NINL: variants seen among roughly 807,000 people sequenced by gnomAD.
NINL encodes the protein ninein-like protein.
NINL carries 153 observed loss-of-function variants against 160.3 expected under a neutral mutation model. The ratio of observed to expected loss-of-function variants is 0.95; its 90% CI spans 0.84 to 1.09. The LOEUF (loss-of-function observed/expected upper bound fraction) is 1.09. Ranked by LOEUF, NINL falls within the 50% of genes least tolerant of loss-of-function variation. The pLI is 0.00. For synonymous variants in NINL, 800 were observed against 734.8 expected, an observed-to-expected ratio of 1.09 and a Z score of -1.43; for missense variants, 1,829 against 1,764.0, an observed-to-expected ratio of 1.04 and a Z score of -0.66.
At chr20:25,551,853 T>C (rs2064810467) in intron 1 of NINL, among the ~76,000 whole-genome samples, 1 of 152,272 alleles carries the variant, frequency 6.6e-6, no homozygotes. Flanking sequence ...AGGATTCAGT[T>C]TGAGGAGTTA....
At chr20:25,510,541 C>A (rs867138755) in intron 5 of NINL, 133 bp downstream of exon 5, 3 of 810,636 alleles carry the variant, frequency 3.7e-6, no homozygotes, top group Admixed American at 1.7e-5. Flanking sequence ...AAGAATCCAG[C>A]GGGACACAAC....
intron 5 of NINL, 101 bp from the exon 6 acceptor site, chr20:25,505,179 A>C: frequency 9.1e-7 from 1 of 1,099,774 alleles, no homozygotes; most frequent in Non-Finnish European, 1.3e-6. Flanking sequence ...AACAGCGTGA[A>C]TGAATGTGGA....
chr20:25,511,765 G>T (rs374990385), intron 4 of NINL, among the ~76,000 whole-genome samples: 1 of 152,148 alleles, frequency 6.6e-6, no homozygotes, highest in African/African-American at 2.4e-5. Context: ...TACTGGCATC[G>T]CCTAGATGTC....
At chr20:25,578,961 T>C (rs2065145654) in intron 1 of NINL, among the ~76,000 whole-genome samples, 1 of 152,062 alleles carries the variant, frequency 6.6e-6, no homozygotes, top group Admixed American at 6.6e-5. Flanking sequence ...GGCAACACAG[T>C]GAAACCCTGT....
chr20:25,582,247 C>T (rs2147213920), intron 1 of NINL, among the ~76,000 whole-genome samples: 1 of 152,250 alleles, frequency 6.6e-6, no homozygotes, highest in South Asian at 2.1e-4. Context: ...GAGCGAGACT[C>T]CATATCAAAA....
chr20:25,498,402 A>C, intron 8 of NINL, 56 bp from the exon 9 acceptor site: 2 of 1,596,532 alleles, frequency 1.3e-6, no homozygotes, highest in Non-Finnish European at 1.7e-6. Context: ...CCAAGCAGAC[A>C]CCTCTTTGCT....
chr20:25,511,944 C>G (rs2029954210), intron 4 of NINL, among the ~76,000 whole-genome samples: 1 of 152,232 alleles, frequency 6.6e-6, no homozygotes, highest in African/African-American at 2.4e-5. Flanking sequence ...GCTGAGAGCA[C>G]AGAGAGCAGG....
chr20:25,505,498 G>A (rs1486193688), intron 5 of NINL, among the ~76,000 whole-genome samples: 4 of 152,214 alleles, frequency 2.6e-5, no homozygotes, highest in Non-Finnish European at 4.4e-5. Flanking sequence ...TGAGATGGAC[G>A]TGTTAACTGG....
At chr20:25,583,513 T>C (rs971950474) in intron 1 of NINL, among the ~76,000 whole-genome samples, 1 of 152,208 alleles carries the variant, frequency 6.6e-6, no homozygotes. Context: ...GGAACGCTTT[T>C]ACACTGTTGG....
chr20:25,484,929 T>C (rs949164505), intron 13 of NINL, among the ~76,000 whole-genome samples: 1 of 152,040 alleles, frequency 6.6e-6, no homozygotes, highest in African/African-American at 2.4e-5. Context: ...GACACCTCGG[T>C]TGGGAGATCA....
chr20:25,583,718 C>G (rs1449780481), intron 1 of NINL, among the ~76,000 whole-genome samples: 1 of 152,150 alleles, frequency 6.6e-6, no homozygotes, highest in Non-Finnish European at 1.5e-5. Context: ...AGACTTGGAA[C>G]CAACCCAAAT....
intron 23 of NINL, among the ~76,000 whole-genome samples, chr20:25,453,860 C>T (rs765380329): frequency 1.4e-4 from 21 of 152,088 alleles, no homozygotes; most frequent in African/African-American, 4.3e-4. Context: ...ACCATCCTGG[C>T]GAACACGGTG....
chr20:25,542,697 TAAAAAAAAAAAAAAAAAAAAAAAAAAAAA>T (rs71185304), intron 1 of NINL, among the ~76,000 whole-genome samples: 97 of 51,394 alleles, frequency 1.9e-3, no homozygotes, highest in African/African-American at 6.8e-3. Context: ...TTGCTTTCAC[TAAAAAAAAAAAAAAAAAAAAAAAAAAAAA>T]AAAAAAAAAA....
chr20:25,528,848 G>C (rs1438415095), intron 1 of NINL, among the ~76,000 whole-genome samples: 5 of 152,148 alleles, frequency 3.3e-5, no homozygotes, highest in African/African-American at 1.2e-4. Flanking sequence ...AGTCAATCAA[G>C]CTCATTCATA....
intron 2 of NINL, among the ~76,000 whole-genome samples, chr20:25,521,176 C>T (rs2064256936): frequency 6.6e-6 from 1 of 152,206 alleles, no homozygotes; most frequent in Admixed American, 6.5e-5. Flanking sequence ...TTCTGGATGA[C>T]TCCAGTTAAT....
chr20:25,535,057 C>T lies in NINL; in HGVS notation c.-11-8459G>A, dbSNP rs569267546. On this transcript the variant is annotated intron_variant, in intron 1 of 23. Coordinates refer to ENST00000278886, the MANE Select transcript of NINL (RefSeq NM_025176.6). ...CTGACACAAAAGACTCACTGTACTT[C>T]TGTGTACAATGAAATATTATTACAC... Among the ~76,000 whole-genome samples, 14 of 152,326 alleles carry T rather than the reference C, an allele frequency of 9.2e-5. 1 individual carries two copies. The South Asian group carries it at 2.9e-3, about 32-fold the overall frequency.
At chr20:25,505,116 A>C (rs750611070) in intron 5 of NINL, 38 bp from the exon 6 acceptor site, 1 of 1,504,768 alleles carries the variant, frequency 6.6e-7, no homozygotes, top group Non-Finnish European at 8.9e-7. Flanking sequence ...ACCCTGATAC[A>C]TACACAATGG....
chr20:25,506,876 T>A (rs1014057853), intron 5 of NINL, among the ~76,000 whole-genome samples: 2 of 152,174 alleles, frequency 1.3e-5, no homozygotes, highest in Non-Finnish European at 2.9e-5. Context: ...CCCCACATAT[T>A]TGATTCATAT....
Position 25,481,962 on chromosome 20 carries a change from T to G in NINL, c.1810+6A>C. Reference sequence around the variant, plus strand: ...GGTCAGCCCCCTCCCAGGGACGGGCTCCTACCTGCTGGGCCGAGTCCAGGG... The same window carrying G: ...GGTCAGCCCCCTCCCAGGGACGGGCGCCTACCTGCTGGGCCGAGTCCAGGG... On this transcript the variant is annotated splice_donor_region_variant and intron_variant, in intron 14 of 23. Coordinates refer to ENST00000278886, the MANE Select transcript of NINL (RefSeq NM_025176.6). The G allele has an allele frequency of 6.3e-7, 1 of 1,595,568 alleles. No homozygotes were observed. Among genetic ancestry groups the G allele is most frequent in the Non-Finnish European group, 8.5e-7 (1 of 1,177,370 alleles).
Sources: allele counts gnomAD v4.1 joint callset (sites outside exome capture counted in the v4.1 genomes callset), GRCh38; gene constraint gnomAD v4.1.1; transcripts MANE v1.5; gene names NCBI Gene and HGNC (gene_info 2026-07-23, HGNC 2026-07-21).